IQGAP2: variants seen among roughly 807,000 people sequenced by gnomAD.
IQGAP2 encodes ras GTPase-activating-like protein IQGAP2.
A neutral mutation model predicts 201.3 loss-of-function variants in IQGAP2; 173 were observed. The observed-to-expected ratio is 0.86, with a 90% CI of 0.76 to 0.98. The LOEUF (loss-of-function observed/expected upper bound fraction) is 0.98. IQGAP2 is among the 50% of genes least tolerant of loss of function. The pLI, the probability that IQGAP2 is intolerant of heterozygous loss-of-function variation, is 0.00. For missense variants in IQGAP2, 1,687 were observed against 1,864.8 expected (o/e 0.90, Z 1.76); for synonymous variants, 675 against 673.9 (o/e 1.00, Z -0.03).
chr5:76,441,569 G>A (rs28489619), intron 1 of IQGAP2: 18,917 of 962,392 alleles, frequency 0.02, 558 homozygotes, highest in African/African-American at 0.12. Flanking sequence ...CCAGTGGCAG[G>A]GTTCGTGAAT....
At chr5:76,488,644 T>C (rs1347262346) in intron 2 of IQGAP2, among the ~76,000 whole-genome samples, 1 of 152,218 alleles carries the variant, frequency 6.6e-6, no homozygotes, top group African/African-American at 2.4e-5. Context: ...GTCATTTCTT[T>C]GAACAGTTTG....
At chr5:76,496,761 C>CTTTTCTTTCTTTCTTTCT (rs368129209) in intron 2 of IQGAP2, among the ~76,000 whole-genome samples, 2 of 89,048 alleles carry the variant, frequency 2.2e-5, no homozygotes, top group Non-Finnish European at 2.1e-5. Context: ...TTCTTTCTTT[C>CTTTTCTTTCTTTCTTTCT]TTTCTTTCTT....
At chr5:76,449,869 A>G (rs1052256700) in intron 1 of IQGAP2, among the ~76,000 whole-genome samples, 1 of 152,220 alleles carries the variant, frequency 6.6e-6, no homozygotes, top group African/African-American at 2.4e-5. Context: ...GCCAAGAATT[A>G]AACGCCTGGA....
intron 13 of IQGAP2, among the ~76,000 whole-genome samples, chr5:76,626,262 C>T (rs415203): frequency 0.92 from 120,058 of 129,804 alleles, 55,674 homozygotes; most frequent in Middle Eastern, 0.98. Context: ...TCTTTTTTTT[C>T]TTCTTTTCTT....
chr5:76,469,209 C>T (rs561166722), intron 2 of IQGAP2, among the ~76,000 whole-genome samples: 1 of 152,178 alleles, frequency 6.6e-6, no homozygotes, highest in South Asian at 2.1e-4. Flanking sequence ...GAATTCCAGA[C>T]AACTTAATAA....
At chr5:76,446,682 G>A (rs1390053916) in intron 1 of IQGAP2, among the ~76,000 whole-genome samples, 1 of 152,090 alleles carries the variant, frequency 6.6e-6, no homozygotes, top group Non-Finnish European at 1.5e-5. Context: ...ACAAGAATTC[G>A]TTTAGAACCA....
chr5:76,430,420 G>A (rs1483132040), intron 1 of IQGAP2, among the ~76,000 whole-genome samples: 1 of 152,222 alleles, frequency 6.6e-6, no homozygotes, highest in Non-Finnish European at 1.5e-5. Flanking sequence ...CAGAGCATCT[G>A]CGAGTTGACC....
At chr5:76,523,352 A>AT (rs1187734855) in intron 2 of IQGAP2, among the ~76,000 whole-genome samples, 2 of 151,990 alleles carry the variant, frequency 1.3e-5, no homozygotes, top group Non-Finnish European at 2.9e-5. Flanking sequence ...GGCTTCCTAA[A>AT]TTGCTGGGAT....
At chr5:76,594,962 T>C (rs114958296) in intron 9 of IQGAP2, among the ~76,000 whole-genome samples, 1 of 143,522 alleles carries the variant, frequency 7.0e-6, no homozygotes, top group Non-Finnish European at 1.5e-5. Flanking sequence ...TGAGACTCCA[T>C]CTCAAAAAAA....
intron 21 of IQGAP2, 47 bp downstream of exon 21, chr5:76,658,714 C>T (rs374713958): frequency 3.9e-5 from 57 of 1,453,454 alleles, no homozygotes; most frequent in Non-Finnish European, 5.2e-5. Context: ...AGGGAAGACG[C>T]CTACATACAG....
At chr5:76,697,558 C>T (rs1257992903) in intron 32 of IQGAP2, among the ~76,000 whole-genome samples, 1 of 152,132 alleles carries the variant, frequency 6.6e-6, no homozygotes, top group Non-Finnish European at 1.5e-5. Flanking sequence ...GCAGGAGAAT[C>T]GCTTGAACCT....
intron 8 of IQGAP2, 24 bp from the exon 9 acceptor site, chr5:76,592,814 A>G (rs1246249562): frequency 2.5e-5 from 36 of 1,445,820 alleles, no homozygotes; most frequent in Non-Finnish European, 3.3e-5. Flanking sequence ...AACCTCAGAA[A>G]TCAGTGAAGA....
In IQGAP2 at chr5:76,517,753, C is replaced by T. The variant is rs530723723; in HGVS notation, c.147-44643C>T. On this transcript the variant is annotated intron_variant, in intron 2 of 35. Transcript: ENST00000274364. ...GTTAGATCCATCGCATACGAGTATG[C>T]GATTGTTGAATTACATCCTTACCTG... Among the ~76,000 whole-genome samples the T allele has an allele frequency of 4.0e-5, 6 of 151,882 alleles. No homozygotes were observed. In the South Asian group the frequency reaches 8.3e-4, roughly 21 times the overall value.
At chr5:76,517,329 C>A (rs1758390762) in intron 2 of IQGAP2, among the ~76,000 whole-genome samples, 2 of 151,980 alleles carry the variant, frequency 1.3e-5, no homozygotes, top group Non-Finnish European at 2.9e-5. Context: ...CCTTTTAAAC[C>A]CACTCACCAT....
intron 1 of IQGAP2, among the ~76,000 whole-genome samples, chr5:76,459,720 C>T (rs1754316729): frequency 6.6e-6 from 1 of 152,094 alleles, no homozygotes; most frequent in Admixed American, 6.5e-5. Context: ...CTCACTGCAA[C>T]CTCCGCCTCC....
Position 76,631,850 on chromosome 5 carries a change from A to G in IQGAP2, c.1613-9A>G, listed in dbSNP as rs751333017. On this transcript the variant is annotated splice_polypyrimidine_tract_variant and intron_variant, in intron 14 of 35. Coordinates refer to ENST00000274364, the MANE Select transcript of IQGAP2 (RefSeq NM_006633.5). ...CCATTAACAAGAAACTTTTTTTTCAATTACCCAGGGGTTACTCTGGTGGTT... is the reference window on the plus strand; with the variant it reads ...CCATTAACAAGAAACTTTTTTTTCAGTTACCCAGGGGTTACTCTGGTGGTT... 5.8e-5 allele frequency: 89 copies of G among 1,538,796 alleles called. No individual in the cohort carries two copies. The highest frequency in any genetic ancestry group is 7.5e-5 in the Non-Finnish European group (86 of 1,140,620).
At chr5:76,486,862 C>G (rs943239911) in intron 2 of IQGAP2, among the ~76,000 whole-genome samples, 2 of 151,924 alleles carry the variant, frequency 1.3e-5, no homozygotes, top group East Asian at 3.9e-4. Context: ...ATTTATTTTC[C>G]TTTTTATATC....
rs377567632 is a variant in IQGAP2, at chr5:76,707,330, T to G, written c.*17T>G. On this transcript the variant is annotated 3_prime_UTR_variant, in exon 36 of 36. Coordinates refer to ENST00000274364, the MANE Select transcript of IQGAP2 (RefSeq NM_006633.5). ...GGAAAGTGAAGTGCCTACAGAAATT[T>G]CTTGGATTCTGTATCATCTGGATTA... The G allele has an allele frequency of 7.2e-6, 8 of 1,108,670 alleles. No individual in the cohort carries two copies. The African/African-American group carries it at 1.1e-4, about 15-fold the overall frequency. 68.7% of individuals were successfully genotyped at this position (1,108,670 alleles called of 1,614,324 possible).
At chr5:76,619,721 T>C (rs541044383) in intron 13 of IQGAP2, among the ~76,000 whole-genome samples, 2 of 152,152 alleles carry the variant, frequency 1.3e-5, no homozygotes, top group South Asian at 2.1e-4. Context: ...GGTTTCACCA[T>C]GTTAGCCAGG....
Sources: gnomAD v4.1 joint callset for allele counts (sites outside exome capture counted in the v4.1 genomes callset) on GRCh38, gnomAD v4.1.1 for gene constraint, MANE v1.5 for transcripts, NCBI Gene and HGNC (gene_info 2026-07-23, HGNC 2026-07-21) for gene names.